Variants in STPG2 observed in about 807,000 individuals in gnomAD.
The protein encoded by STPG2 is sperm-tail PG-rich repeat-containing protein 2.
Under a neutral mutation model 54.2 loss-of-function variants are expected in STPG2, and 56 were observed. The observed-to-expected ratio is 1.03, with a 90% CI of 0.83 to 1.29. The LOEUF (loss-of-function observed/expected upper bound fraction) is 1.29, where lower values mean the gene tolerates loss of function less well. Ranked by LOEUF, STPG2 falls within the 50% of genes most tolerant of loss-of-function variation. The probability of loss-of-function intolerance (pLI) is 0.00; values close to 1 mark genes in which losing one functional copy is unlikely to be tolerated. For synonymous variants in STPG2, 200 were observed against 181.8 expected (o/e 1.10, Z -0.81); for missense variants, 596 against 544.9 (o/e 1.09, Z -0.93).
At chr4:97,905,890 A>T (rs1008882468) in intron 8 of STPG2, among the ~76,000 whole-genome samples, 1 of 152,178 alleles carries the variant, frequency 6.6e-6, no homozygotes, top group Non-Finnish European at 1.5e-5. Context: ...AATTTATAGA[A>T]CTAAATGCCC....
chr4:97,762,994 CCT>C (rs1481559890), intron 9 of STPG2, among the ~76,000 whole-genome samples: 2 of 152,102 alleles, frequency 1.3e-5, no homozygotes, highest in African/African-American at 2.4e-5. Flanking sequence ...TCTTAACATA[CCT>C]CTGTTTCCCA....
At chr4:97,960,439 C>T (rs951496334) in intron 7 of STPG2, among the ~76,000 whole-genome samples, 1 of 151,908 alleles carries the variant, frequency 6.6e-6, no homozygotes, top group Non-Finnish European at 1.5e-5. Flanking sequence ...TGATTGTATA[C>T]CTAGAAAACC....
chr4:97,507,696 T>C (rs775486296), intron 4 of STPG2, among the ~76,000 whole-genome samples: 1 of 151,998 alleles, frequency 6.6e-6, no homozygotes. Context: ...GAAAGACTCA[T>C]AGTACTCAGA....
intron 10 of STPG2, among the ~76,000 whole-genome samples, chr4:97,576,436 G>GA (rs1732725996): frequency 6.6e-6 from 1 of 152,012 alleles, no homozygotes; most frequent in Non-Finnish European, 1.5e-5. Flanking sequence ...TTATGGAACA[G>GA]AATAGAGAAC....
intron 10 of STPG2, among the ~76,000 whole-genome samples, chr4:97,561,506 A>T (rs1468415084): frequency 1.3e-5 from 2 of 152,062 alleles, no homozygotes; most frequent in Non-Finnish European, 2.9e-5. Flanking sequence ...GGTGTTTTAG[A>T]CATGAAGTCC....
intron 7 of STPG2, among the ~76,000 whole-genome samples, chr4:97,967,601 G>T (rs1395612956): frequency 6.6e-6 from 1 of 152,090 alleles, no homozygotes; most frequent in South Asian, 2.1e-4. Context: ...TGACCACATA[G>T]TTGGAAGTAA....
chr4:97,785,392 G>A lies in STPG2; in HGVS notation c.1204+55381C>T, dbSNP rs181047208. Reference sequence around the variant, plus strand: ...TTAGAGGGTTTCCCTTTACAGTGTCGTACCACTTACTTTTACCACCATTAA... The same window carrying A: ...TTAGAGGGTTTCCCTTTACAGTGTCATACCACTTACTTTTACCACCATTAA... On this transcript the variant is annotated intron_variant, in intron 9 of 10. Coordinates refer to ENST00000295268, the MANE Select transcript of STPG2 (RefSeq NM_174952.3). 1.1e-3 allele frequency among the ~76,000 whole-genome samples: 173 copies of A among 151,960 alleles called. 2 individuals are homozygous for A. The highest frequency in any genetic ancestry group is 4.9e-4 in the Non-Finnish European group (33 of 67,898).
intron 10 of STPG2, among the ~76,000 whole-genome samples, chr4:97,666,208 C>T (rs1722519300): frequency 6.6e-6 from 1 of 152,188 alleles, no homozygotes; most frequent in Non-Finnish European, 1.5e-5. Context: ...GTCAGAGCTT[C>T]CACCTGTTCC....
chr4:97,456,513 T>G (rs915885252), intron 4 of STPG2, among the ~76,000 whole-genome samples: 2 of 152,074 alleles, frequency 1.3e-5, no homozygotes, highest in African/African-American at 4.8e-5. Flanking sequence ...ATCATGAGAT[T>G]TGGGTAGGAA....
intron 8 of STPG2, among the ~76,000 whole-genome samples, chr4:97,887,878 T>G (rs1350906708): frequency 1.3e-5 from 2 of 152,202 alleles, no homozygotes; most frequent in Non-Finnish European, 2.9e-5. Flanking sequence ...CCCACTGCCC[T>G]GTGCAGCCTT....
chr4:97,452,282 C>A (rs567583537), intron 4 of STPG2, among the ~76,000 whole-genome samples: 1 of 152,264 alleles, frequency 6.6e-6, no homozygotes, highest in South Asian at 2.1e-4. Flanking sequence ...CGGCTCTCCA[C>A]ACCTTCTCCA....
At chr4:97,811,819 T>C (rs1297984557) in intron 9 of STPG2, among the ~76,000 whole-genome samples, 1 of 152,078 alleles carries the variant, frequency 6.6e-6, no homozygotes, top group Non-Finnish European at 1.5e-5. Flanking sequence ...AGCATGCCAG[T>C]GTGCAAGGGT....
At chr4:97,763,371 T>C (rs1422278513) in intron 9 of STPG2, among the ~76,000 whole-genome samples, 3 of 152,158 alleles carry the variant, frequency 2.0e-5, no homozygotes, top group Non-Finnish European at 4.4e-5. Context: ...AAAAATAAGC[T>C]AGAAGTCTAC....
At chr4:97,961,122 G>A (rs192898393) in intron 7 of STPG2, among the ~76,000 whole-genome samples, 8 of 149,496 alleles carry the variant, frequency 5.4e-5, no homozygotes, top group Non-Finnish European at 1.2e-4. Context: ...TTCAACAAAC[G>A]TGCTGGGAAA....
At chr4:97,741,548 G>A (rs1302916315) in intron 9 of STPG2, among the ~76,000 whole-genome samples, 3 of 152,088 alleles carry the variant, frequency 2.0e-5, no homozygotes, top group African/African-American at 7.2e-5. Flanking sequence ...CAAAAAGTGG[G>A]CAAAGGACAT....
chr4:98,116,517 C>T (rs143238846), intron 3 of STPG2, among the ~76,000 whole-genome samples: 1 of 151,994 alleles, frequency 6.6e-6, no homozygotes, highest in African/African-American at 2.4e-5. Flanking sequence ...CACTTCTTTG[C>T]ATAACTTGTC....
intron 7 of STPG2, among the ~76,000 whole-genome samples, chr4:97,945,607 C>A (rs1448841783): frequency 6.6e-6 from 1 of 152,132 alleles, no homozygotes. Flanking sequence ...AATCGTAGAT[C>A]TATTTTTAGT....
intron 9 of STPG2, among the ~76,000 whole-genome samples, chr4:97,736,584 T>A (rs1725004123): frequency 6.6e-6 from 1 of 152,166 alleles, no homozygotes; most frequent in Non-Finnish European, 1.5e-5. Flanking sequence ...GAGGGTCCTA[T>A]GCCCACGGAG....
intron 8 of STPG2, among the ~76,000 whole-genome samples, chr4:97,843,378 T>C (rs1260259977): frequency 6.6e-6 from 1 of 151,890 alleles, no homozygotes; most frequent in Non-Finnish European, 1.5e-5. Flanking sequence ...GTGTCCTGAC[T>C]TCCTCATCTG....
Sources: allele counts gnomAD v4.1 joint callset (sites outside exome capture counted in the v4.1 genomes callset), GRCh38; gene constraint gnomAD v4.1.1; transcripts MANE v1.5; gene names NCBI Gene and HGNC (gene_info 2026-07-23, HGNC 2026-07-21).